The following SYNRG variants were observed in gnomAD, a reference collection of about 807,000 sequenced individuals.
SYNRG encodes AP1 gamma subunit binding protein 1.
A neutral mutation model predicts 130.9 loss-of-function variants in SYNRG; 37 were observed. That is an observed-to-expected ratio of 0.28 (90% CI 0.22 to 0.37). The LOEUF (loss-of-function observed/expected upper bound fraction) is 0.37. Among genes scored for constraint, SYNRG ranks in the 10% least tolerant of loss-of-function variants. The pLI, the probability that SYNRG is intolerant of heterozygous loss-of-function variation, is 1.00. For missense variants in SYNRG, 1,338 were observed against 1,588.9 expected, an observed-to-expected ratio of 0.84 and a Z score of 2.68; for synonymous variants, 539 against 568.1, an observed-to-expected ratio of 0.95 and a Z score of 0.73.
chr17:37,536,554 A>G (rs1207624886), intron 18 of SYNRG: 1 of 161,148 alleles, frequency 6.2e-6, no homozygotes. Flanking sequence ...TGGGAGGTTT[A>G]TTTATGAGTC....
intron 19 of SYNRG, among the ~76,000 whole-genome samples, chr17:37,522,134 TACACAC>T (rs60928738): frequency 1.1e-4 from 16 of 145,036 alleles, no homozygotes; most frequent in African/African-American, 3.9e-4. Context: ...TCTAATTCAC[TACACAC>T]ACACACACAC....
At position 37,570,708 on chromosome 17, in the gene SYNRG, G is replaced by C; in HGVS notation, c.1276C>G (p.Leu426Val). 1.2e-6 allele frequency: 2 copies of C among 1,614,232 alleles called. No individual in the cohort carries two copies. Among genetic ancestry groups the C allele is most frequent in the Non-Finnish European group, 1.7e-6 (2 of 1,180,046 alleles). Residue 426 changes from leucine to valine, a missense_variant, in exon 10 of 22, where the codon CTT (leucine) becomes GTT (valine). Physicochemically the swap from Leu to Val is conservative, Grantham distance 32. Transcript: ENST00000612223. Reference sequence around the variant, plus strand: ...GCAGCTCCACCCACTGGTCCAACAAGGTTAATGCCCATGACTGGCTGTCCA... The same window carrying C: ...GCAGCTCCACCCACTGGTCCAACAACGTTAATGCCCATGACTGGCTGTCCA... ...SLGQPVMGIN[L>V]VGPVGGAAAQ...
intron 15 of SYNRG, chr17:37,541,335 G>A (rs1197683098): frequency 1.2e-6 from 1 of 819,152 alleles, no homozygotes; most frequent in Non-Finnish European, 1.5e-6. Context: ...AACAACTTAA[G>A]TAGGTCCGCT....
Position 37,609,278 on chromosome 17 carries a change from C to A in SYNRG, c.77+1G>T. ...GCTCCCGCCCGGCTCTTCACACCTACCCGCCTCCCCCGGCGGACCCCGCGC... is the reference window on the plus strand; with the variant it reads ...GCTCCCGCCCGGCTCTTCACACCTAACCGCCTCCCCCGGCGGACCCCGCGC... On this transcript the variant is annotated splice_donor_variant, in intron 1 of 21. Coordinates refer to ENST00000612223, the MANE Select transcript of SYNRG (RefSeq NM_007247.6). LOFTEE classifies it high-confidence loss of function. 6.9e-7 allele frequency: 1 copy of A among 1,444,860 alleles called. No individual in the cohort carries two copies. 89.5% of individuals were successfully genotyped at this position (1,444,860 alleles called of 1,614,324 possible).
rs763038387 is a variant in SYNRG at position 37,517,965 on chromosome 17, C to A, written c.*975G>T. The A allele has an allele frequency of 6.6e-6, 1 of 152,178 alleles. No homozygotes were observed. Among genetic ancestry groups the A allele is most frequent in the Non-Finnish European group, 1.5e-5 (1 of 68,026 alleles). 9.4% of individuals were successfully genotyped at this position (152,178 alleles called of 1,614,324 possible). On this transcript the variant is annotated 3_prime_UTR_variant, in exon 22 of 22. Coordinates refer to ENST00000612223, the MANE Select transcript of SYNRG (RefSeq NM_007247.6). ...CTTCTACTTCTTCTAAGTCATGTATCTATCCCATAAATATACATCTTGATA... is the reference window on the plus strand; with the variant it reads ...CTTCTACTTCTTCTAAGTCATGTATATATCCCATAAATATACATCTTGATA...
Position 37,580,510 on chromosome 17 carries a change from T to TGTGA in SYNRG, c.590-2898_590-2897insTCAC, listed in dbSNP as rs1384344164. 1.9e-3 allele frequency among the ~76,000 whole-genome samples: 237 copies of TGTGA among 127,698 alleles called. 2 individuals carry two copies. The highest frequency in any genetic ancestry group is 0.015 in the Middle Eastern group (4 of 268). The allele number at this position is 127,698 out of a possible 152,430, so 83.8% of individuals were successfully genotyped here. On this transcript the variant is annotated intron_variant, in intron 6 of 21. Coordinates refer to ENST00000612223, the MANE Select transcript of SYNRG (RefSeq NM_007247.6). Reference sequence around the variant, plus strand: ...GTGTGTGTGTGTGTGTGTGTGTGTGTGAGAGAGAGAGAGAGAGAGAGAGAG... The same window carrying TGTGA: ...GTGTGTGTGTGTGTGTGTGTGTGTGTGTGAGAGAGAGAGAGAGAGAGAGAGAGAG...
chr17:37,561,008 T>C (rs2059486817), intron 13 of SYNRG, among the ~76,000 whole-genome samples, 187 bp downstream of exon 13: 1 of 152,214 alleles, frequency 6.6e-6, no homozygotes, highest in Non-Finnish European at 1.5e-5. Flanking sequence ...TTAGAATACT[T>C]ATAGTTTGAG....
rs760622725 is a variant in SYNRG, at chr17:37,584,533, G to A, written c.589+115C>T. ...GAACATCCAAATCTGTACTTAGCTT[G>A]AAGGAAGAGTTCTACATTGACTTTT... is the stretch of plus-strand genomic sequence containing the variant. On this transcript the variant is annotated intron_variant, in intron 6 of 21. Coordinates refer to ENST00000612223, the MANE Select transcript of SYNRG (RefSeq NM_007247.6). The A allele has an allele frequency of 1.0e-5, 8 of 791,890 alleles. No homozygotes were observed. In the Admixed American group the frequency reaches 1.6e-4, roughly 16 times the overall value. The allele number at this position is 791,890 out of a possible 1,614,324, so 49.1% of individuals were successfully genotyped here.
intron 11 of SYNRG, among the ~76,000 whole-genome samples, chr17:37,566,017 G>T (rs1390926541): frequency 2.0e-5 from 3 of 148,402 alleles, no homozygotes; most frequent in Non-Finnish European, 3.0e-5. Context: ...AGGTGGGGGG[G>T]TCAGCCCCCC....
chr17:37,594,898 A>G, intron 3 of SYNRG, among the ~76,000 whole-genome samples: 1 of 152,222 alleles, frequency 6.6e-6, no homozygotes, highest in East Asian at 1.9e-4. Context: ...TCCAAGTGTT[A>G]GCTTTAAAAG....
chr17:37,592,325 CCT>C (rs1402862679), intron 3 of SYNRG, among the ~76,000 whole-genome samples: 1 of 152,096 alleles, frequency 6.6e-6, no homozygotes, highest in African/African-American at 2.4e-5. Context: ...TATAATTGAA[CCT>C]CTGATACATT....
intron 11 of SYNRG, among the ~76,000 whole-genome samples, chr17:37,565,695 C>T (rs1324111285): frequency 4.6e-5 from 7 of 151,330 alleles, no homozygotes; most frequent in African/African-American, 1.2e-4. Context: ...TCTGCCCCGC[C>T]GCCCCATCTG....
intron 18 of SYNRG, 115 bp from the exon 19 acceptor site, chr17:37,536,242 G>A: frequency 8.1e-7 from 1 of 1,238,324 alleles, no homozygotes; most frequent in Non-Finnish European, 1.1e-6. Context: ...TATCTGGACA[G>A]AGGTGTACTT....
intron 18 of SYNRG, 116 bp downstream of exon 18, chr17:37,538,208 T>TG: frequency 1.4e-6 from 1 of 724,512 alleles, no homozygotes. Context: ...CAAATACAGA[T>TG]GCTTCTTACT....
At chr17:37,606,892 T>G (rs1237965499) in intron 1 of SYNRG, among the ~76,000 whole-genome samples, 1 of 152,196 alleles carries the variant, frequency 6.6e-6, no homozygotes, top group South Asian at 2.1e-4. Context: ...CTGTTTTTTT[T>G]CTTCAAATAT....
At position 37,516,925 on chromosome 17, in the gene SYNRG, G is replaced by A. The variant is rs1204704247; in HGVS notation, c.*2015C>T. 1 of 152,216 alleles carries A rather than the reference G, an allele frequency of 6.6e-6. No homozygotes were observed. The highest frequency in any genetic ancestry group is 1.5e-5 in the Non-Finnish European group (1 of 68,086). The allele number at this position is 152,216 out of a possible 1,614,324, so 9.4% of individuals were successfully genotyped here. On this transcript the variant is annotated 3_prime_UTR_variant, in exon 22 of 22. Coordinates refer to ENST00000612223, the MANE Select transcript of SYNRG (RefSeq NM_007247.6). ...AGGTAGATTCTGCTGTCATGGTTCT[G>A]TTATGAAATTTAGGCCAGGCGCAGT...
rs746956336 is a variant in SYNRG, at chr17:37,553,587, A to G, written c.2136T>C (p.Tyr712=). The change falls in exon 14 of 22, where the codon TAT becomes TAC. Residue 712 remains tyrosine (Y), a synonymous_variant. Transcript: ENST00000612223. ...ISSEQKPDDK[Y]DALKEEASPV... is the part of the protein sequence containing the mutation. ...GACTGGCTTCCTCTTTAAGGGCATC[A>G]TATTTGTCATCCGGCTTTTGCTCAG... 21 of 1,614,042 alleles carry G rather than the reference A, an allele frequency of 1.3e-5. No homozygotes were observed. Among genetic ancestry groups the G allele is most frequent in the African/African-American group, 1.2e-4 (9 of 74,928 alleles).
chr17:37,585,416 T>C lies in SYNRG; in HGVS notation c.386A>G (p.Gln129Arg), dbSNP rs1166448518. The C allele has an allele frequency of 1.9e-6, 3 of 1,612,834 alleles. No individual in the cohort carries two copies. Among genetic ancestry groups the C allele is most frequent in the Admixed American group, 1.7e-5 (1 of 59,930 alleles). Residue 129 changes from glutamine to arginine, a missense_variant, in exon 5 of 22, where the codon CAG becomes CGG. Coordinates refer to ENST00000612223, the MANE Select transcript of SYNRG (RefSeq NM_007247.6). Reference protein sequence around the residue: ...FAEEQQKRFEQQQKLLEEERK... With the variant: ...FAEEQQKRFERQQKLLEEERK... Reference sequence around the variant, plus strand: ...TTCTTCTTCTAAGAGTTTTTGCTGCTGTTCAAATCGTTTCCTGAAGGAAAA... The same window carrying C: ...TTCTTCTTCTAAGAGTTTTTGCTGCCGTTCAAATCGTTTCCTGAAGGAAAA...
chr17:37,577,377 C>T lies in SYNRG; in HGVS notation c.823+3G>A. 1 of 1,613,864 alleles carries T rather than the reference C, an allele frequency of 6.2e-7. No individual in the cohort carries two copies. The highest frequency in any genetic ancestry group is 8.5e-7 in the Non-Finnish European group (1 of 1,179,746). The stretch of plus-strand genomic sequence containing the variant: ...TTTTTTGCTGAATGCTTCACGAGCT[C>T]ACCACTCTCTTCAATTGACAGGTTT... On this transcript the variant is annotated splice_donor_region_variant and intron_variant, in intron 7 of 21. Transcript: ENST00000612223.
Sources: allele counts gnomAD v4.1 joint callset (sites outside exome capture counted in the v4.1 genomes callset), GRCh38; gene constraint gnomAD v4.1.1; transcripts MANE v1.5; gene names NCBI Gene and HGNC (gene_info 2026-07-23, HGNC 2026-07-21).